The following ELOVL5 variants were observed in gnomAD, a reference collection of about 807,000 sequenced individuals.
The protein encoded by ELOVL5 is very long chain fatty acid elongase 5.
In ELOVL5, 8 loss-of-function variants were observed where a neutral mutation model predicts 38.6. The ratio of observed to expected loss-of-function variants is 0.21; its 90% confidence interval spans 0.12 to 0.37. The LOEUF (loss-of-function observed/expected upper bound fraction) is 0.37, where lower values mean the gene tolerates loss of function less well. ELOVL5 is among the 10% of genes least tolerant of loss of function. The pLI is 1.00. For synonymous variants in ELOVL5, 127 were observed against 133.7 expected (o/e 0.95, Z 0.34); for missense variants, 280 against 367.8 (o/e 0.76, Z 1.95).
chr6:53,313,343 C>T (rs1472399967), intron 1 of ELOVL5, among the ~76,000 whole-genome samples: 2 of 151,862 alleles, frequency 1.3e-5, no homozygotes, highest in Non-Finnish European at 2.9e-5. Flanking sequence ...CCTTTTAATA[C>T]ATGGTACATA....
rs143967763 is a variant in ELOVL5, at chr6:53,346,838, T to A, written c.-9+1979A>T. Among the ~76,000 whole-genome samples, 7 of 152,242 alleles carry A rather than the reference T, an allele frequency of 4.6e-5. No homozygotes were observed. In the South Asian group the frequency reaches 1.4e-3, roughly 32 times the overall value. On this transcript the variant is annotated intron_variant, in intron 1 of 7. Transcript: ENST00000304434. ...ATGCAGGGAGCAAAAGAAGAGGTAG[T>A]GGAAAAAAAGATTCTTGCAAACAGA... is the stretch of plus-strand genomic sequence containing the variant.
At chr6:53,338,916 G>T (rs1236393505) in intron 1 of ELOVL5, among the ~76,000 whole-genome samples, 1 of 152,178 alleles carries the variant, frequency 6.6e-6, no homozygotes, top group Non-Finnish European at 1.5e-5. Flanking sequence ...TTAAAAGACG[G>T]TGGAGAAACA....
At position 53,308,617 on chromosome 6, in the gene ELOVL5, T is replaced by C. The variant is rs535788343; in HGVS notation, c.-8-12910A>G. 5.1e-4 allele frequency among the ~76,000 whole-genome samples: 77 copies of C among 152,278 alleles called. 1 individual carries two copies. The highest frequency in any genetic ancestry group is 1.7e-3 in the African/African-American group (70 of 41,550). ...CTAATTCAATAGATGCTAGGAAATA[T>C]CTTTTTGAAAAGATCGTTAGGTAAT... On this transcript the variant is annotated intron_variant, in intron 1 of 7. Coordinates refer to ENST00000304434, the MANE Select transcript of ELOVL5 (RefSeq NM_021814.5).
At chr6:53,318,418 C>T (rs1768145091) in intron 1 of ELOVL5, among the ~76,000 whole-genome samples, 1 of 152,204 alleles carries the variant, frequency 6.6e-6, no homozygotes, top group African/African-American at 2.4e-5. Context: ...GGTTCATGTA[C>T]AGCATTTAGC....
At chr6:53,342,001 T>C (rs1769353439) in intron 1 of ELOVL5, among the ~76,000 whole-genome samples, 1 of 152,190 alleles carries the variant, frequency 6.6e-6, no homozygotes, top group Admixed American at 6.5e-5. Flanking sequence ...GAACCCCGCA[T>C]AGGTGCAGGC....
At chr6:53,272,115 T>C (rs1198839242) in intron 6 of ELOVL5, among the ~76,000 whole-genome samples, 3 of 152,226 alleles carry the variant, frequency 2.0e-5, no homozygotes, top group Admixed American at 1.3e-4. Flanking sequence ...CAGACTTTTT[T>C]TTCAGATTGT....
intron 1 of ELOVL5, among the ~76,000 whole-genome samples, chr6:53,304,323 G>A (rs1218552584): frequency 6.6e-6 from 1 of 152,148 alleles, no homozygotes; most frequent in Non-Finnish European, 1.5e-5. Context: ...TCTAACAGAG[G>A]TGCTCTCTTC....
intron 1 of ELOVL5, among the ~76,000 whole-genome samples, chr6:53,312,991 A>G (rs1036474663): frequency 2.6e-5 from 4 of 152,146 alleles, no homozygotes; most frequent in Admixed American, 2.6e-4. Context: ...CCCAGTAAAC[A>G]TTTTCTTATT....
At chr6:53,340,566 A>G (rs999149690) in intron 1 of ELOVL5, among the ~76,000 whole-genome samples, 2 of 152,138 alleles carry the variant, frequency 1.3e-5, no homozygotes, top group Admixed American at 6.6e-5. Flanking sequence ...ATCATTTTTT[A>G]TCTTTTATAT....
intron 1 of ELOVL5, among the ~76,000 whole-genome samples, chr6:53,322,235 G>A (rs547460361): frequency 6.6e-6 from 1 of 152,170 alleles, no homozygotes; most frequent in Non-Finnish European, 1.5e-5. Context: ...TTCACTTCTG[G>A]TGAGAGAGGC....
intron 1 of ELOVL5, among the ~76,000 whole-genome samples, chr6:53,333,142 G>A (rs1033984475): frequency 8.6e-5 from 13 of 151,274 alleles, no homozygotes; most frequent in Non-Finnish European, 1.8e-4. Context: ...AGAGAACAGT[G>A]TTAAAGAGAG....
intron 6 of ELOVL5, 151 bp from the exon 7 acceptor site, chr6:53,270,878 C>G: frequency 2.6e-6 from 2 of 762,246 alleles, no homozygotes; most frequent in East Asian, 5.4e-5. Flanking sequence ...GAACACAACA[C>G]ATACACTATA....
intron 1 of ELOVL5, among the ~76,000 whole-genome samples, chr6:53,298,624 G>A (rs1052918853): frequency 6.6e-6 from 1 of 152,084 alleles, no homozygotes. Context: ...CATGTAGGAA[G>A]CCCCCAATAG....
intron 1 of ELOVL5, among the ~76,000 whole-genome samples, chr6:53,317,007 G>C (rs1286004400): frequency 6.6e-6 from 1 of 152,138 alleles, no homozygotes; most frequent in Non-Finnish European, 1.5e-5. Context: ...AAATAAGAAA[G>C]ATAAATTGTA....
At chr6:53,309,516 T>C (rs1231742329) in intron 1 of ELOVL5, among the ~76,000 whole-genome samples, 5 of 152,172 alleles carry the variant, frequency 3.3e-5, no homozygotes, top group African/African-American at 1.2e-4. Flanking sequence ...GTAAATACGG[T>C]ATCTATGGGA....
At chr6:53,309,323 C>T (rs572507691) in intron 1 of ELOVL5, among the ~76,000 whole-genome samples, 1 of 152,288 alleles carries the variant, frequency 6.6e-6, no homozygotes, top group East Asian at 1.9e-4. Context: ...GCTGCCAAAT[C>T]AAATGTTTGG....
chr6:53,274,992 C>CTAGA, intron 5 of ELOVL5, 98 bp downstream of exon 5: 1 of 1,196,732 alleles, frequency 8.4e-7, no homozygotes, highest in Non-Finnish European at 1.2e-6. Flanking sequence ...AAAGCCTGAC[C>CTAGA]TAGACATTTA....
At chr6:53,321,776 A>C (rs1370287313) in intron 1 of ELOVL5, among the ~76,000 whole-genome samples, 2 of 152,246 alleles carry the variant, frequency 1.3e-5, no homozygotes, top group African/African-American at 4.8e-5. Context: ...TGAATAAATA[A>C]ACACTAAATA....
chr6:53,332,002 CAA>C (rs910726105), intron 1 of ELOVL5, among the ~76,000 whole-genome samples: 17 of 152,240 alleles, frequency 1.1e-4, no homozygotes, highest in African/African-American at 3.9e-4. Flanking sequence ...CAAAGAAGAG[CAA>C]GAGAGAGATG....
Sources: gnomAD v4.1 joint callset for allele counts (sites outside exome capture counted in the v4.1 genomes callset) on GRCh38, gnomAD v4.1.1 for gene constraint, MANE v1.5 for transcripts, NCBI Gene and HGNC (gene_info 2026-07-23, HGNC 2026-07-21) for gene names.